The following TMEM161B variants were observed in gnomAD, a reference collection of about 807,000 sequenced individuals.
The protein encoded by TMEM161B is transmembrane protein 161B.
In TMEM161B, 34 loss-of-function variants were observed where a neutral mutation model predicts 61.8. The ratio of observed to expected loss-of-function variants is 0.55; its 90% confidence interval spans 0.42 to 0.73. TMEM161B has a LOEUF of 0.73. Ranked by LOEUF, TMEM161B falls within the 30% of genes least tolerant of loss-of-function variation. The probability of loss-of-function intolerance (pLI) is 0.00; values close to 1 mark genes in which losing one functional copy is unlikely to be tolerated. For synonymous variants in TMEM161B, 167 were observed against 192.8 expected (o/e 0.87, Z 1.11); for missense variants, 456 against 558.5 (o/e 0.82, Z 1.85).
intron 1 of TMEM161B, among the ~76,000 whole-genome samples, chr5:88,254,208 T>C (rs1380866920): frequency 6.6e-6 from 1 of 152,174 alleles, no homozygotes; most frequent in Non-Finnish European, 1.5e-5. Flanking sequence ...TATGGAGATG[T>C]ATTAATTCTG....
intron 1 of TMEM161B, among the ~76,000 whole-genome samples, chr5:88,256,713 G>C (rs1334217138): frequency 6.6e-6 from 1 of 152,196 alleles, no homozygotes; most frequent in East Asian, 1.9e-4. Context: ...ATTCCCAGGA[G>C]GGTGGGAGAT....
intron 1 of TMEM161B, among the ~76,000 whole-genome samples, chr5:88,262,466 T>C (rs1235331628): frequency 1.3e-5 from 2 of 152,188 alleles, no homozygotes; most frequent in Non-Finnish European, 2.9e-5. Flanking sequence ...TTATATCACC[T>C]TTGTTCATAA....
intron 2 of TMEM161B, among the ~76,000 whole-genome samples, chr5:88,229,395 T>A (rs1360930336): frequency 6.6e-6 from 1 of 152,106 alleles, no homozygotes; most frequent in Non-Finnish European, 1.5e-5. Context: ...CCTCTGAACA[T>A]CTGACTACTG....
chr5:88,249,691 T>C (rs534126552), intron 1 of TMEM161B, among the ~76,000 whole-genome samples: 26 of 152,076 alleles, frequency 1.7e-4, no homozygotes, highest in Non-Finnish European at 3.2e-4. Context: ...CAAAAGACAA[T>C]AAAAGGCCCA....
In TMEM161B at chr5:88,195,982, G is replaced by A. The variant is rs1278866024; in HGVS notation, c.*229C>T. The A allele has an allele frequency of 1.6e-6, 2 of 1,286,192 alleles. No individual in the cohort carries two copies. Among genetic ancestry groups the A allele is most frequent in the Non-Finnish European group, 2.0e-6 (2 of 1,017,574 alleles). 79.7% of individuals were successfully genotyped at this position (1,286,192 alleles called of 1,614,324 possible). A position where few individuals can be genotyped will look rare whatever the true frequency, so the allele number is the denominator to read the frequency against. On this transcript the variant is annotated 3_prime_UTR_variant, in exon 12 of 12. Coordinates refer to ENST00000296595, the MANE Select transcript of TMEM161B (RefSeq NM_153354.5). ...CCTCTCATACCAGTAAATACAAAGA[G>A]TTAAAATTCCAATGCCACAGTGTAA...
chr5:88,212,075 T>C (rs1746918561), intron 5 of TMEM161B, among the ~76,000 whole-genome samples: 1 of 152,038 alleles, frequency 6.6e-6, no homozygotes, highest in South Asian at 2.1e-4. Context: ...AAAGCAAAAC[T>C]AGGTATATGC....
intron 1 of TMEM161B, among the ~76,000 whole-genome samples, chr5:88,262,872 A>C (rs747708587): frequency 2.0e-5 from 3 of 152,164 alleles, no homozygotes; most frequent in Non-Finnish European, 4.4e-5. Context: ...TCTTCCTCTT[A>C]AGATTTCTGT....
intron 4 of TMEM161B, among the ~76,000 whole-genome samples, chr5:88,224,179 A>G (rs192053650): frequency 2.0e-5 from 3 of 152,314 alleles, no homozygotes; most frequent in Admixed American, 2.0e-4. Context: ...AAAAACACGC[A>G]TCATTTCATT....
intron 5 of TMEM161B, among the ~76,000 whole-genome samples, chr5:88,219,798 C>A (rs1467991460): frequency 2.6e-5 from 4 of 152,028 alleles, no homozygotes; most frequent in African/African-American, 9.7e-5. Flanking sequence ...CAATTTAGCA[C>A]CCTTTCTAAG....
At chr5:88,225,701 T>A (rs937095714) in intron 4 of TMEM161B, 68 bp downstream of exon 4, 1 of 1,013,530 alleles carries the variant, frequency 9.9e-7, no homozygotes, top group Non-Finnish European at 1.5e-6. Flanking sequence ...ATGATTAAAA[T>A]GAAAGTACTT....
intron 4 of TMEM161B, among the ~76,000 whole-genome samples, chr5:88,223,398 A>G (rs1749376024): frequency 6.6e-6 from 1 of 152,192 alleles, no homozygotes; most frequent in Non-Finnish European, 1.5e-5. Context: ...TGTCAAAACT[A>G]CTAAAAATCA....
At chr5:88,206,645 G>T in intron 6 of TMEM161B, 146 bp from the exon 7 acceptor site, 1 of 792,800 alleles carries the variant, frequency 1.3e-6, no homozygotes, top group Non-Finnish European at 1.9e-6. Flanking sequence ...TAATTAGTAT[G>T]CCATAATGCA....
At chr5:88,200,130 A>C (rs1339390910) in intron 9 of TMEM161B, 1 of 151,950 alleles carries the variant, frequency 6.6e-6, no homozygotes, top group Non-Finnish European at 1.5e-5. Flanking sequence ...ACTACAATAT[A>C]GGAAAATTTG....
intron 5 of TMEM161B, among the ~76,000 whole-genome samples, chr5:88,214,337 G>A (rs1747414454): frequency 6.6e-6 from 1 of 151,522 alleles, no homozygotes; most frequent in African/African-American, 2.4e-5. Flanking sequence ...AATATAATAG[G>A]ACTACTGAGA....
intron 1 of TMEM161B, among the ~76,000 whole-genome samples, chr5:88,247,475 A>C (rs191401645): frequency 5.3e-5 from 8 of 152,174 alleles, no homozygotes; most frequent in Admixed American, 3.9e-4. Context: ...AAATGGTTTC[A>C]GTTATCTCCC....
chr5:88,185,745 A>G (rs1483708532), downstream of TMEM161B, among the ~76,000 whole-genome samples: 2 of 152,228 alleles, frequency 1.3e-5, no homozygotes, highest in Non-Finnish European at 2.9e-5. Context: ...ATAAAAAGAC[A>G]AATTGAAAAC....
At chr5:88,232,686 G>C (rs563452248) in intron 2 of TMEM161B, among the ~76,000 whole-genome samples, 1 of 152,182 alleles carries the variant, frequency 6.6e-6, no homozygotes, top group East Asian at 1.9e-4. Context: ...CCATTCTCCT[G>C]CCTCAGCCTC....
At chr5:88,217,586 T>TGGGGGAGGGGGGGGGGGGGGGGGGGGG (rs1748113452) in intron 5 of TMEM161B, among the ~76,000 whole-genome samples, 1 of 88,928 alleles carries the variant, frequency 1.1e-5, no homozygotes. Flanking sequence ...GAGGGGGTGG[T>TGGGGGAGGGGGGGGGGGGGGGGGGGGG]GGGGGGTAAT....
At position 88,196,404 on chromosome 5, in the gene TMEM161B, T is replaced by A. The variant is rs768833101; in HGVS notation, c.1271A>T (p.Glu424Val). 1 of 1,613,430 alleles carries A rather than the reference T, an allele frequency of 6.2e-7. No individual in the cohort carries two copies. The change falls in exon 12 of 12, where the codon GAA becomes GTA. Residue 424 changes from glutamate (E) to valine (V), a missense_variant. Glu to Val is a moderately radical substitution (Grantham distance 121). Around this residue, in one of 3 missense-constraint regions of TMEM161B, gnomAD observed 367 missense variants for 427.3 expected, o/e 0.86. Transcript: ENST00000296595. ...NSLLSNSVYS[E>V]LPSAEGKMKV... ...CATTTTCCCTTCAGCTGATGGTAAT[T>A]CAGAGTAAACAGAATTGGACAGTAG...
Sources: gnomAD v4.1 joint callset for allele counts (sites outside exome capture counted in the v4.1 genomes callset) on GRCh38, gnomAD v4.1.1 for gene constraint, gnomAD v4.1.1 regional missense constraint, MANE v1.5 for transcripts, NCBI Gene and HGNC (gene_info 2026-07-23, HGNC 2026-07-21) for gene names.